Variants in CDH23 observed in about 807,000 individuals in gnomAD.
CDH23 encodes the protein cadherin-23.
CDH23 carries 189 observed loss-of-function variants against 317.1 expected under a neutral mutation model. The observed-to-expected ratio is 0.60, with a 90% CI of 0.53 to 0.67. The LOEUF (loss-of-function observed/expected upper bound fraction) is 0.67. Ranked by LOEUF, CDH23 falls within the 30% of genes least tolerant of loss-of-function variation. The pLI, the probability that CDH23 is intolerant of heterozygous loss-of-function variation, is 0.00. For missense variants in CDH23, 4,401 were observed against 4,592.4 expected (o/e 0.96, Z 1.20); for synonymous variants, 1,839 against 1,876.8 (o/e 0.98, Z 0.52).
chr10:71,459,424 A>C (rs904655164), intron 3 of CDH23, among the ~76,000 whole-genome samples: 1 of 152,130 alleles, frequency 6.6e-6, no homozygotes, highest in Admixed American at 6.5e-5. Flanking sequence ...AATAGTAAGC[A>C]CTAGGAGAAG....
chr10:71,627,332 A>G (rs902237834), intron 11 of CDH23, among the ~76,000 whole-genome samples: 3 of 152,048 alleles, frequency 2.0e-5, no homozygotes, highest in African/African-American at 7.2e-5. Flanking sequence ...GCGTTTTCCC[A>G]TTAATTTCTC....
At chr10:71,609,569 C>T (rs1463484269) in intron 9 of CDH23, among the ~76,000 whole-genome samples, 1 of 152,184 alleles carries the variant, frequency 6.6e-6, no homozygotes, top group Non-Finnish European at 1.5e-5. Flanking sequence ...TCTGACCCTG[C>T]AGACCGTCTC....
intron 7 of CDH23, among the ~76,000 whole-genome samples, chr10:71,568,300 C>T (rs531134844): frequency 2.6e-4 from 40 of 152,352 alleles, no homozygotes; most frequent in Admixed American, 2.3e-3. Flanking sequence ...CATTTGCCTG[C>T]ACCTTCCATG....
chr10:71,420,530 A>ATGATGATGATGATGG (rs1848752576), intron 1 of CDH23, among the ~76,000 whole-genome samples: 1 of 130,902 alleles, frequency 7.6e-6, no homozygotes, highest in Non-Finnish European at 1.6e-5. Flanking sequence ...GAAGGTGATG[A>ATGATGATGATGATGG]TGATGATGAT....
intron 3 of CDH23, among the ~76,000 whole-genome samples, chr10:71,476,916 G>A (rs1165385074): frequency 6.6e-6 from 1 of 152,168 alleles, no homozygotes; most frequent in African/African-American, 2.4e-5. Context: ...GAGGAGCACT[G>A]GAAATGTTAG....
chr10:71,537,341 G>A (rs74609713), intron 6 of CDH23, among the ~76,000 whole-genome samples: 6,289 of 152,282 alleles, frequency 0.041, 223 homozygotes, highest in South Asian at 0.14. Context: ...GACATGATCC[G>A]TCAGGGATCT....
chr10:71,702,486 G>C, intron 23 of CDH23, 63 bp from the exon 24 acceptor site: 1 of 1,597,736 alleles, frequency 6.3e-7, no homozygotes, highest in Non-Finnish European at 8.6e-7. Flanking sequence ...CCTTCTTCCT[G>C]TCCGTTTTCT....
rs565336305 is a variant in CDH23, at chr10:71,756,087, G to A, written c.4845+14166G>A. Among the ~76,000 whole-genome samples, 40 of 152,176 alleles carry A rather than the reference G, an allele frequency of 2.6e-4. 1 individual carries two copies. The South Asian group carries it at 7.7e-3, about 29-fold the overall frequency. Reference sequence around the variant, plus strand: ...CACACAAGTCACAGGAGAAACACCCGGGGTGAGAACTAGAAAAACGTGAAT... The same window carrying A: ...CACACAAGTCACAGGAGAAACACCCAGGGTGAGAACTAGAAAAACGTGAAT... On this transcript the variant is annotated intron_variant, in intron 38 of 69. Transcript: ENST00000224721.
At chr10:71,678,368 G>A (rs950027139) in intron 16 of CDH23, among the ~76,000 whole-genome samples, 1 of 152,164 alleles carries the variant, frequency 6.6e-6, no homozygotes, top group Non-Finnish European at 1.5e-5. Flanking sequence ...GCAGAGCCAG[G>A]TCTAGTCCCG....
intron 6 of CDH23, among the ~76,000 whole-genome samples, chr10:71,549,212 C>G (rs1261438729): frequency 6.6e-6 from 1 of 152,258 alleles, no homozygotes; most frequent in East Asian, 1.9e-4. Flanking sequence ...GGTCACTGGG[C>G]AGGGCCCACA....
At chr10:71,548,285 G>C (rs1180302519) in intron 6 of CDH23, among the ~76,000 whole-genome samples, 1 of 152,200 alleles carries the variant, frequency 6.6e-6, no homozygotes, top group African/African-American at 2.4e-5. Context: ...TTGTGTATGT[G>C]TGTGCGTGGT....
At chr10:71,525,934 T>G (rs1855016692) in intron 6 of CDH23, among the ~76,000 whole-genome samples, 2 of 152,244 alleles carry the variant, frequency 1.3e-5, no homozygotes, top group Admixed American at 1.3e-4. Flanking sequence ...CCTGAGGGCC[T>G]GCTGGGTGCC....
At chr10:71,661,453 C>CCAT (rs1863647041) in intron 14 of CDH23, among the ~76,000 whole-genome samples, 1 of 152,176 alleles carries the variant, frequency 6.6e-6, no homozygotes. Context: ...CTCCGTTTCT[C>CCAT]CATCTGCAAA....
rs1284614362 is a variant in CDH23 at position 71,470,771 on chromosome 10, A to T, written c.145+24376A>T. On this transcript the variant is annotated intron_variant, in intron 3 of 69. Coordinates refer to ENST00000224721, the MANE Select transcript of CDH23 (RefSeq NM_022124.6). ...CTCTCAAAGTGCTGGGATTACAGGC[A>T]TGAGCCACTGTGCCTGGCCCTTATT... Among the ~76,000 whole-genome samples the T allele has an allele frequency of 2.7e-4, 41 of 152,282 alleles. 1 individual carries two copies. The East Asian group carries it at 7.9e-3, about 29-fold the overall frequency.
chr10:71,574,960 C>G (rs1319095338), intron 8 of CDH23, among the ~76,000 whole-genome samples: 4 of 152,140 alleles, frequency 2.6e-5, no homozygotes, highest in African/African-American at 9.7e-5. Context: ...ACCCCACCCC[C>G]CACTGCACCA....
At chr10:71,597,331 A>G (rs1859926025) in intron 9 of CDH23, among the ~76,000 whole-genome samples, 2 of 152,084 alleles carry the variant, frequency 1.3e-5, no homozygotes, top group Non-Finnish European at 2.9e-5. Context: ...CCCGGATATC[A>G]TCCAGTTGAG....
At chr10:71,638,659 C>A (rs1862387845) in intron 11 of CDH23, among the ~76,000 whole-genome samples, 1 of 152,200 alleles carries the variant, frequency 6.6e-6, no homozygotes, top group Non-Finnish European at 1.5e-5. Context: ...AAATATCACC[C>A]TTGACCCTCC....
At chr10:71,433,472 G>C (rs1849487228) in intron 1 of CDH23, among the ~76,000 whole-genome samples, 1 of 152,104 alleles carries the variant, frequency 6.6e-6, no homozygotes, top group South Asian at 2.1e-4. Flanking sequence ...CAGGGGTTTG[G>C]GAGCCCTGCT....
chr10:71,659,450 C>T (rs1159037186), intron 14 of CDH23, among the ~76,000 whole-genome samples: 1 of 152,184 alleles, frequency 6.6e-6, no homozygotes, highest in Non-Finnish European at 1.5e-5. Flanking sequence ...AGAGGTTGAG[C>T]TGGCTCTGTG....
Sources: gnomAD v4.1 joint callset for allele counts (sites outside exome capture counted in the v4.1 genomes callset) on GRCh38, gnomAD v4.1.1 for gene constraint, MANE v1.5 for transcripts, NCBI Gene and HGNC (gene_info 2026-07-23, HGNC 2026-07-21) for gene names.